The following CHM variants were observed in gnomAD, a reference collection of about 807,000 sequenced individuals.
The protein encoded by CHM is rab proteins geranylgeranyltransferase component A 1.
In CHM, 10 loss-of-function variants were observed where a neutral mutation model predicts 49.0. The observed-to-expected ratio is 0.20, with a 90% confidence interval of 0.13 to 0.35. The LOEUF (loss-of-function observed/expected upper bound fraction) is 0.35. Among genes scored for constraint, CHM ranks in the 10% least tolerant of loss-of-function variants. CHM has a pLI of 1.00. For synonymous variants in CHM, 184 were observed against 167.5 expected (o/e 1.10, Z -0.76); for missense variants, 455 against 478.4 (o/e 0.95, Z 0.46).
At chrX:86,005,243 C>A (rs1320052476) in intron 2 of CHM, among the ~76,000 whole-genome samples, 2 of 112,209 alleles carry the variant, frequency 1.8e-5, no homozygotes, top group African/African-American at 3.2e-5. Context: ...ATACCAGAAT[C>A]TCTGGGACAC....
rs1932989990 is a variant in CHM, at chrX:86,010,028, C to A, written c.116+17463G>T. ...AGCCATAAAAAGGATGAGTTCATTT[C>A]CTTTGCAGGGACATGGATGAAGCTG... is the stretch of plus-strand genomic sequence containing the variant. On this transcript the variant is annotated intron_variant, in intron 2 of 14. Transcript: ENST00000357749. 2.7e-5 allele frequency among the ~76,000 whole-genome samples: 3 copies of A among 109,281 alleles called. No homozygotes were observed. In the Admixed American group the frequency reaches 3.0e-4, roughly 11 times the overall value. 94.9% of individuals were successfully genotyped at this position (109,281 alleles called of 115,157 possible). A position where few individuals can be genotyped will look rare whatever the true frequency, so the allele number is the denominator to read the frequency against.
intron 2 of CHM, among the ~76,000 whole-genome samples, chrX:86,023,831 C>T (rs982072549): frequency 1.8e-5 from 2 of 110,693 alleles, no homozygotes; most frequent in Middle Eastern, 4.7e-3. Context: ...AAAAATCATA[C>T]ACACAAATAT....
At chrX:86,043,888 T>C (rs1315460885) in intron 1 of CHM, among the ~76,000 whole-genome samples, 1 of 111,272 alleles carries the variant, frequency 9.0e-6, no homozygotes, top group Non-Finnish European at 1.9e-5. Flanking sequence ...CCACCATGCT[T>C]GGCTAACAAT....
At chrX:85,886,393 G>A (rs1925089689) in intron 12 of CHM, among the ~76,000 whole-genome samples, 2 of 111,720 alleles carry the variant, frequency 1.8e-5, no homozygotes, top group Admixed American at 9.5e-5. Flanking sequence ...AAAAGGTATA[G>A]GAAAGTCAAA....
chrX:85,949,986 T>TATATATATATATATATATATAG (rs1929649537), intron 8 of CHM, among the ~76,000 whole-genome samples: 1 of 75,079 alleles, frequency 1.3e-5, no homozygotes, highest in Non-Finnish European at 2.4e-5. Flanking sequence ...TAAATATATA[T>TATATATATATATATATATATAG]ATATATATAT....
Position 85,886,566 on chromosome X carries a change from T to A in CHM, c.1511-7503A>T, listed in dbSNP as rs139035567. Among the ~76,000 whole-genome samples, 20 of 111,381 alleles carry A rather than the reference T, an allele frequency of 1.8e-4. No homozygotes were observed. In the East Asian group the frequency reaches 5.7e-3, roughly 31 times the overall value. On this transcript the variant is annotated intron_variant, in intron 12 of 14. Coordinates refer to ENST00000357749, the MANE Select transcript of CHM (RefSeq NM_000390.4). ...AAAATAAACACAGGGTATATTTGCT[T>A]CTTTTTCTTTTTTCTGACTTGAAAC...
Position 85,863,526 on chromosome X carries a change from T to A in CHM, c.*1104A>T, listed in dbSNP as rs1295645762. 8.9e-6 allele frequency: 1 copy of A among 112,141 alleles called. No individual in the cohort carries two copies. The highest frequency in any genetic ancestry group is 9.5e-5 in the Admixed American group (1 of 10,547). 9.2% of individuals were successfully genotyped at this position (112,141 alleles called of 1,213,427 possible). A position where few individuals can be genotyped will look rare whatever the true frequency, so the allele number is the denominator to read the frequency against. ...AATATTTCAAAACCACAATTCTACT[T>A]GTTACTATTTTTACTGGTCTGTAAG... On this transcript the variant is annotated 3_prime_UTR_variant, in exon 15 of 15. Transcript: ENST00000357749.
intron 1 of CHM, among the ~76,000 whole-genome samples, chrX:86,029,412 G>A (rs1456814888): frequency 1.8e-5 from 2 of 111,657 alleles, no homozygotes; most frequent in South Asian, 3.8e-4. Flanking sequence ...AAATACTCAG[G>A]AAGCAGAATT....
intron 8 of CHM, among the ~76,000 whole-genome samples, chrX:85,951,647 C>T (rs1929752539): frequency 8.9e-6 from 1 of 111,883 alleles, no homozygotes; most frequent in Admixed American, 9.5e-5. Context: ...CAAAAGTCAA[C>T]AATGAGAGGG....
rs1014240036 is a variant in CHM at position 85,870,919 on chromosome X, G to C, written c.1770+2133C>G. ...TAAATGGTTCCCTATGAAAACAAGAGTGTCAAGTTTACATTACTCAACCTC... is the reference window on the plus strand; with the variant it reads ...TAAATGGTTCCCTATGAAAACAAGACTGTCAAGTTTACATTACTCAACCTC... On this transcript the variant is annotated intron_variant, in intron 14 of 14. Coordinates refer to ENST00000357749, the MANE Select transcript of CHM (RefSeq NM_000390.4). Among the ~76,000 whole-genome samples, 4 of 110,900 alleles carry C rather than the reference G, an allele frequency of 3.6e-5. No homozygotes were observed. The Admixed American group carries it at 3.8e-4, about 11-fold the overall frequency.
intron 8 of CHM, among the ~76,000 whole-genome samples, chrX:85,953,138 C>T (rs1375849661): frequency 8.9e-6 from 1 of 111,741 alleles, no homozygotes; most frequent in Non-Finnish European, 1.9e-5. Flanking sequence ...ACTGAAGAAT[C>T]CAAAAGAGAA....
chrX:85,932,840 G>T (rs921259926), intron 8 of CHM, among the ~76,000 whole-genome samples: 1 of 111,969 alleles, frequency 8.9e-6, no homozygotes, highest in Non-Finnish European at 1.9e-5. Context: ...AGACAAGCAA[G>T]AAAGTTAATT....
chrX:85,983,911 C>G (rs1465411372), intron 2 of CHM, among the ~76,000 whole-genome samples: 2 of 110,930 alleles, frequency 1.8e-5, no homozygotes, highest in African/African-American at 3.3e-5. Context: ...CTAATAAAGG[C>G]TTGGTATTGA....
chrX:85,875,774 G>A (rs1924376509), intron 13 of CHM, among the ~76,000 whole-genome samples: 1 of 111,170 alleles, frequency 9.0e-6, no homozygotes, highest in South Asian at 3.7e-4. Flanking sequence ...TGAGTGAGAC[G>A]CTTCACTGAC....
chrX:85,920,187 C>T (rs1927701717), intron 8 of CHM, among the ~76,000 whole-genome samples: 1 of 109,671 alleles, frequency 9.1e-6, no homozygotes, highest in African/African-American at 3.3e-5. Flanking sequence ...GCTCTGCCTC[C>T]CTGGTTCACG....
intron 8 of CHM, among the ~76,000 whole-genome samples, chrX:85,940,120 G>A (rs1007979437): frequency 1.8e-5 from 2 of 111,506 alleles, no homozygotes; most frequent in South Asian, 3.7e-4. Context: ...TTACCATGAC[G>A]AAGCAGGAAA....
At chrX:85,989,744 C>T (rs1238624971) in intron 2 of CHM, among the ~76,000 whole-genome samples, 2 of 108,751 alleles carry the variant, frequency 1.8e-5, no homozygotes, top group East Asian at 5.7e-4. Flanking sequence ...GGAAAAAAAA[C>T]TCAATATTAC....
intron 12 of CHM, among the ~76,000 whole-genome samples, chrX:85,890,346 T>C (rs1489088512): frequency 8.9e-6 from 1 of 111,900 alleles, no homozygotes; most frequent in Non-Finnish European, 1.9e-5. Flanking sequence ...TAACAACAAC[T>C]GTCATGGTGA....
intron 2 of CHM, among the ~76,000 whole-genome samples, chrX:86,025,242 A>G (rs940677357): frequency 4.5e-5 from 5 of 111,969 alleles, no homozygotes; most frequent in Non-Finnish European, 9.4e-5. Context: ...AGACAACCAT[A>G]TTATCAAGCT....
Sources: gnomAD v4.1 joint callset for allele counts (sites outside exome capture counted in the v4.1 genomes callset) on GRCh38, gnomAD v4.1.1 for gene constraint, MANE v1.5 for transcripts, NCBI Gene and HGNC (gene_info 2026-07-23, HGNC 2026-07-21) for gene names.